C8orf34: variants seen among roughly 807,000 people sequenced by gnomAD.
C8orf34 encodes the protein uncharacterized protein C8orf34.
C8orf34 carries 65 observed loss-of-function variants against 68.3 expected under a neutral mutation model. The observed-to-expected ratio is 0.95, with a 90% CI of 0.78 to 1.17. C8orf34 has a LOEUF of 1.17. Among genes scored for constraint, C8orf34 ranks in the 50% most tolerant of loss-of-function variants. The pLI is 0.00. For synonymous variants in C8orf34, 244 were observed against 241.2 expected (o/e 1.01, Z -0.11); for missense variants, 664 against 655.4 (o/e 1.01, Z -0.14).
At chr8:68,688,878 G>T (rs1820604911) in intron 8 of C8orf34, among the ~76,000 whole-genome samples, 1 of 151,966 alleles carries the variant, frequency 6.6e-6, no homozygotes, top group African/African-American at 2.4e-5. Context: ...TAATGCAGTT[G>T]GGGCTTAATA....
chr8:68,331,402 C>G (rs760567982), intron 1 of C8orf34, 63 bp downstream of exon 1: 1 of 1,474,830 alleles, frequency 6.8e-7, no homozygotes. Flanking sequence ...GTAATGAAAA[C>G]AGAACACTCC....
At chr8:68,589,969 G>T (rs1377500201) in intron 7 of C8orf34, among the ~76,000 whole-genome samples, 4 of 146,966 alleles carry the variant, frequency 2.7e-5, no homozygotes, top group African/African-American at 1.0e-4. Flanking sequence ...AAGAAAAAAG[G>T]AGGACATTTA....
chr8:68,611,616 A>G (rs1476353872), intron 7 of C8orf34, among the ~76,000 whole-genome samples: 2 of 152,190 alleles, frequency 1.3e-5, no homozygotes, highest in South Asian at 2.1e-4. Context: ...CTGAAAGATT[A>G]TGCTCTTTTC....
intron 5 of C8orf34, among the ~76,000 whole-genome samples, chr8:68,512,836 G>A (rs1586292643): frequency 6.7e-6 from 1 of 149,194 alleles, no homozygotes; most frequent in Non-Finnish European, 1.5e-5. Flanking sequence ...TACACACCTT[G>A]CATGTAAATC....
chr8:68,547,903 G>A (rs970822795), intron 7 of C8orf34, among the ~76,000 whole-genome samples: 2 of 151,782 alleles, frequency 1.3e-5, no homozygotes, highest in Non-Finnish European at 3.0e-5. Context: ...CCACACATAT[G>A]TGGTCAATTA....
At chr8:68,660,083 G>A (rs928653884) in intron 8 of C8orf34, among the ~76,000 whole-genome samples, 2 of 152,094 alleles carry the variant, frequency 1.3e-5, no homozygotes, top group African/African-American at 4.8e-5. Context: ...CCCAGTCTGG[G>A]GGATTCATCC....
chr8:68,525,028 A>G (rs1814916917), intron 6 of C8orf34, among the ~76,000 whole-genome samples: 1 of 152,174 alleles, frequency 6.6e-6, no homozygotes, highest in Non-Finnish European at 1.5e-5. Context: ...CAAAATAAAG[A>G]GAAAATTTTA....
At chr8:68,523,641 G>A (rs969824705) in intron 6 of C8orf34, among the ~76,000 whole-genome samples, 2 of 152,118 alleles carry the variant, frequency 1.3e-5, no homozygotes, top group African/African-American at 4.8e-5. Flanking sequence ...TAAATTTCAG[G>A]AACAGCAGTA....
chr8:68,568,897 A>T lies in C8orf34; in HGVS notation c.1105+35748A>T, dbSNP rs182530039. ...CATACCGTCTCTCTTGCGCTGCACA[A>T]CTCTGCCATCGTAAACTTGAAATTA... On this transcript the variant is annotated intron_variant, in intron 7 of 13. Coordinates refer to ENST00000518698, the MANE Select transcript of C8orf34 (RefSeq NM_052958.4). Among the ~76,000 whole-genome samples, 622 of 141,584 alleles carry T rather than the reference A, an allele frequency of 4.4e-3. 6 individuals are homozygous for T. The highest frequency in any genetic ancestry group is 0.018 in the African/African-American group (594 of 32,702). The allele number at this position is 141,584 out of a possible 152,430, so 92.9% of individuals were successfully genotyped here.
intron 7 of C8orf34, among the ~76,000 whole-genome samples, chr8:68,612,951 T>C (rs1425239175): frequency 3.9e-5 from 6 of 152,170 alleles, no homozygotes; most frequent in African/African-American, 1.2e-4. Flanking sequence ...AGTTATCTTA[T>C]AAGGTGCTGA....
intron 3 of C8orf34, among the ~76,000 whole-genome samples, chr8:68,454,923 C>T (rs959655250): frequency 6.6e-6 from 1 of 151,930 alleles, no homozygotes; most frequent in Non-Finnish European, 1.5e-5. Context: ...CCACTGCATA[C>T]CTTAAGGTTC....
chr8:68,553,187 C>T (rs1162928119), intron 7 of C8orf34, among the ~76,000 whole-genome samples: 8 of 151,744 alleles, frequency 5.3e-5, no homozygotes, highest in Non-Finnish European at 1.0e-4. Context: ...AGATCGAGAC[C>T]GTCCTGGCTA....
chr8:68,816,422 A>G (rs1199287538), intron 13 of C8orf34, among the ~76,000 whole-genome samples: 1 of 152,162 alleles, frequency 6.6e-6, no homozygotes, highest in African/African-American at 2.4e-5. Flanking sequence ...AAGATAAAAA[A>G]TAAAACACTT....
At chr8:68,786,856 T>C (rs992955001) in intron 11 of C8orf34, among the ~76,000 whole-genome samples, 10 of 152,170 alleles carry the variant, frequency 6.6e-5, no homozygotes, top group African/African-American at 2.4e-4. Flanking sequence ...ATATGATACA[T>C]GATCCTGGAA....
Position 68,601,760 on chromosome 8 carries a change from A to G in C8orf34, c.1106-38616A>G, listed in dbSNP as rs60747797. ...ATCTCTTGGGTGTCTTTTCTCATTC[A>G]AGTTGTGATTTTCCTGATTCTTGGT... On this transcript the variant is annotated intron_variant, in intron 7 of 13. Transcript: ENST00000518698. 2.5e-3 allele frequency among the ~76,000 whole-genome samples: 379 copies of G among 152,058 alleles called. 4 individuals carry two copies. Among genetic ancestry groups the G allele is most frequent in the African/African-American group, 8.6e-3 (357 of 41,490 alleles).
chr8:68,443,096 T>C (rs1810977983), intron 2 of C8orf34, among the ~76,000 whole-genome samples: 1 of 152,032 alleles, frequency 6.6e-6, no homozygotes, highest in African/African-American at 2.4e-5. Context: ...ACATGGGACA[T>C]GGGGCAAGAG....
At chr8:68,555,700 T>A (rs1350443810) in intron 7 of C8orf34, among the ~76,000 whole-genome samples, 1 of 152,178 alleles carries the variant, frequency 6.6e-6, no homozygotes, top group East Asian at 1.9e-4. Flanking sequence ...TAAATTTACG[T>A]CTGCAATATT....
At chr8:68,430,970 T>C (rs1365970892) in intron 1 of C8orf34, among the ~76,000 whole-genome samples, 1 of 152,144 alleles carries the variant, frequency 6.6e-6, no homozygotes, top group Non-Finnish European at 1.5e-5. Context: ...GTTTTTCTAC[T>C]CCTTACCACA....
chr8:68,378,919 G>A (rs1005752393), intron 1 of C8orf34, among the ~76,000 whole-genome samples: 3 of 151,908 alleles, frequency 2.0e-5, no homozygotes, highest in East Asian at 1.9e-4. Context: ...AAAAACATCC[G>A]GTTAAGAAGA....
Sources: gnomAD v4.1 joint callset for allele counts (sites outside exome capture counted in the v4.1 genomes callset) on GRCh38, gnomAD v4.1.1 for gene constraint, MANE v1.5 for transcripts, NCBI Gene and HGNC (gene_info 2026-07-23, HGNC 2026-07-21) for gene names.